The following ELAPOR2 variants were observed in gnomAD, a reference collection of about 807,000 sequenced individuals.
ELAPOR2 encodes endosome/lysosome-associated apoptosis and autophagy regulator family member 2.
In ELAPOR2, 89 loss-of-function variants were observed where a neutral mutation model predicts 120.7. That is an observed-to-expected ratio of 0.74 (90% CI 0.62 to 0.88). The LOEUF (loss-of-function observed/expected upper bound fraction) is 0.88. ELAPOR2 is among the 40% of genes least tolerant of loss of function. The pLI is 0.00. For synonymous variants in ELAPOR2, 444 were observed against 444.9 expected, an observed-to-expected ratio of 1.00 and a Z score of 0.03; for missense variants, 1,134 against 1,251.6, an observed-to-expected ratio of 0.91 and a Z score of 1.42.
intron 1 of ELAPOR2, among the ~76,000 whole-genome samples, chr7:87,003,223 G>C: frequency 6.6e-6 from 1 of 152,014 alleles, no homozygotes; most frequent in Non-Finnish European, 1.5e-5. Context: ...ATATTGCAGG[G>C]GTCAGCTAAA....
intron 2 of ELAPOR2, among the ~76,000 whole-genome samples, chr7:86,957,877 T>C (rs1426715292): frequency 6.6e-6 from 1 of 152,128 alleles, no homozygotes; most frequent in East Asian, 1.9e-4. Context: ...AAAAATTTAT[T>C]TTATTTTTAT....
intron 1 of ELAPOR2, among the ~76,000 whole-genome samples, chr7:87,025,758 A>G (rs1183103008): frequency 1.3e-5 from 2 of 152,192 alleles, no homozygotes. Flanking sequence ...TAATTTTACT[A>G]AATTTAAAAC....
At chr7:86,941,486 G>C (rs1353360195) in intron 5 of ELAPOR2, 3 of 453,286 alleles carry the variant, frequency 6.6e-6, no homozygotes, top group Non-Finnish European at 9.3e-6. Flanking sequence ...AGGCTCCAAA[G>C]AGATATTTTG....
At chr7:86,905,993 G>A (rs117768386) in intron 18 of ELAPOR2, among the ~76,000 whole-genome samples, 14 of 152,160 alleles carry the variant, frequency 9.2e-5, no homozygotes, top group African/African-American at 2.6e-4. Context: ...CACACCTTAC[G>A]AGAGTTAGAG....
At chr7:87,035,548 G>A (rs559530572) in intron 1 of ELAPOR2, among the ~76,000 whole-genome samples, 21 of 152,200 alleles carry the variant, frequency 1.4e-4, no homozygotes, top group African/African-American at 4.6e-4. Context: ...TTCCCGTGAC[G>A]TACTTTCCAA....
intron 1 of ELAPOR2, among the ~76,000 whole-genome samples, chr7:87,001,718 C>G (rs555968650): frequency 1.8e-4 from 28 of 152,266 alleles, no homozygotes; most frequent in Admixed American, 1.6e-3. Context: ...ATGAGGTTCC[C>G]TAAGCCCTGC....
At chr7:87,014,289 C>T (rs1378786681) in intron 1 of ELAPOR2, among the ~76,000 whole-genome samples, 2 of 152,092 alleles carry the variant, frequency 1.3e-5, no homozygotes, top group South Asian at 2.1e-4. Context: ...AGACCAGAGG[C>T]TCTTGTATTT....
chr7:86,969,823 T>G (rs956247270), intron 1 of ELAPOR2, among the ~76,000 whole-genome samples: 1 of 152,166 alleles, frequency 6.6e-6, no homozygotes, highest in Non-Finnish European at 1.5e-5. Flanking sequence ...AATGCGACCC[T>G]ATTTTATTAT....
intron 1 of ELAPOR2, among the ~76,000 whole-genome samples, chr7:87,000,143 T>C (rs1422978850): frequency 1.3e-5 from 2 of 152,126 alleles, no homozygotes; most frequent in African/African-American, 2.4e-5. Context: ...TGTGAAACTA[T>C]CCTGGTTAAT....
intron 6 of ELAPOR2, among the ~76,000 whole-genome samples, chr7:86,939,677 G>A (rs1419425473): frequency 6.6e-6 from 1 of 152,068 alleles, no homozygotes; most frequent in East Asian, 1.9e-4. Flanking sequence ...TCCCTGGTAA[G>A]CCCAATGTCT....
chr7:86,901,348 T>C (rs1035859430), intron 18 of ELAPOR2, among the ~76,000 whole-genome samples: 1 of 152,188 alleles, frequency 6.6e-6, no homozygotes, highest in Non-Finnish European at 1.5e-5. Context: ...TCTTGAATTC[T>C]AAAAGGGGAT....
At chr7:86,908,896 G>A (rs765699934) in intron 16 of ELAPOR2, among the ~76,000 whole-genome samples, 1 of 151,960 alleles carries the variant, frequency 6.6e-6, no homozygotes, top group East Asian at 1.9e-4. Context: ...GAATTTTATC[G>A]AATGAGTTAG....
At chr7:86,929,523 C>A (rs1790229628) in intron 8 of ELAPOR2, among the ~76,000 whole-genome samples, 1 of 151,948 alleles carries the variant, frequency 6.6e-6, no homozygotes, top group Non-Finnish European at 1.5e-5. Flanking sequence ...ATTACCCACA[C>A]CATGCTGCCA....
chr7:86,961,893 A>G (rs1268365926), intron 2 of ELAPOR2, among the ~76,000 whole-genome samples: 1 of 152,168 alleles, frequency 6.6e-6, no homozygotes, highest in Admixed American at 6.5e-5. Flanking sequence ...GCTAGCGGAG[A>G]GGAGGAGAGA....
At chr7:86,945,552 T>A (rs1362172823) in intron 3 of ELAPOR2, among the ~76,000 whole-genome samples, 1 of 152,222 alleles carries the variant, frequency 6.6e-6, no homozygotes, top group Non-Finnish European at 1.5e-5. Flanking sequence ...CTTTGTAAGG[T>A]TATTTTAAAA....
At chr7:87,010,086 T>C (rs1365350958) in intron 1 of ELAPOR2, among the ~76,000 whole-genome samples, 1 of 152,244 alleles carries the variant, frequency 6.6e-6, no homozygotes, top group Non-Finnish European at 1.5e-5. Context: ...CCTGTGGCTA[T>C]TGTCAAACTT....
At chr7:87,039,378 A>G (rs995538753) in intron 1 of ELAPOR2, among the ~76,000 whole-genome samples, 1 of 152,200 alleles carries the variant, frequency 6.6e-6, no homozygotes, top group Non-Finnish European at 1.5e-5. Context: ...TGAAAACCCA[A>G]GAGGAGAGAA....
At chr7:87,043,058 C>G (rs958096843) in intron 1 of ELAPOR2, among the ~76,000 whole-genome samples, 109 of 152,042 alleles carry the variant, frequency 7.2e-4, no homozygotes, top group African/African-American at 2.3e-3. Flanking sequence ...AACACTAAAC[C>G]AGGAAGAAGT....
At chr7:86,946,192 T>TACACACACACACACAC (rs1791000884) in intron 3 of ELAPOR2, among the ~76,000 whole-genome samples, 1 of 116,636 alleles carries the variant, frequency 8.6e-6, no homozygotes, top group Non-Finnish European at 1.8e-5. Flanking sequence ...CACACACACG[T>TACACACACACACACAC]GTGCATACAC....
Sources: gnomAD v4.1 joint callset for allele counts (sites outside exome capture counted in the v4.1 genomes callset) on GRCh38, gnomAD v4.1.1 for gene constraint, MANE v1.5 for transcripts, NCBI Gene and HGNC (gene_info 2026-07-23, HGNC 2026-07-21) for gene names.